The following NECTIN3 variants were observed in gnomAD, a reference collection of about 807,000 sequenced individuals.
The protein encoded by NECTIN3 is nectin-3.
NECTIN3 carries 8 observed loss-of-function variants against 49.4 expected under a neutral mutation model. The observed-to-expected ratio is 0.16, with a 90% CI of 0.10 to 0.29. The LOEUF is 0.29. Among genes scored for constraint, NECTIN3 ranks in the 10% least tolerant of loss-of-function variants. The probability of loss-of-function intolerance (pLI) is 1.00; values close to 1 mark genes in which losing one functional copy is unlikely to be tolerated. For missense variants in NECTIN3, 581 were observed against 654.6 expected, an observed-to-expected ratio of 0.89 and a Z score of 1.23; for synonymous variants, 277 against 241.1, an observed-to-expected ratio of 1.15 and a Z score of -1.38.
intron 5 of NECTIN3, among the ~76,000 whole-genome samples, chr3:111,129,952 G>T (rs1010263361): frequency 6.9e-6 from 1 of 145,512 alleles, no homozygotes; most frequent in Non-Finnish European, 1.5e-5. Context: ...GCCCAGCAGA[G>T]AATTTTTTTT....
chr3:111,152,465 G>A (rs1478121560), intron 7 of NECTIN3, among the ~76,000 whole-genome samples: 1 of 151,682 alleles, frequency 6.6e-6, no homozygotes, highest in Non-Finnish European at 1.5e-5. Context: ...TTGTAATTTT[G>A]CAATCTTTTG....
At chr3:111,124,727 T>G (rs2034091129) in intron 4 of NECTIN3, among the ~76,000 whole-genome samples, 1 of 152,192 alleles carries the variant, frequency 6.6e-6, no homozygotes, top group Non-Finnish European at 1.5e-5. Flanking sequence ...AAAACAAAAT[T>G]ATTCTATCTG....
chr3:111,080,772 C>CA (rs1559764371), intron 1 of NECTIN3, among the ~76,000 whole-genome samples: 1 of 151,572 alleles, frequency 6.6e-6, no homozygotes, highest in African/African-American at 2.4e-5. Flanking sequence ...AAGGATACCA[C>CA]GGTGGAATGA....
At chr3:111,103,758 C>T (rs550320602) in intron 1 of NECTIN3, among the ~76,000 whole-genome samples, 52 of 152,190 alleles carry the variant, frequency 3.4e-4, no homozygotes, top group Non-Finnish European at 6.6e-4. Context: ...AGTTTCTTGA[C>T]ATTAAGTATG....
At chr3:111,127,350 T>C in intron 5 of NECTIN3, among the ~76,000 whole-genome samples, 1 of 152,192 alleles carries the variant, frequency 6.6e-6, no homozygotes, top group South Asian at 2.1e-4. Flanking sequence ...AGTTGTATGC[T>C]CATTTCTTTG....
In NECTIN3 at chr3:111,149,459, ATGTGTGTGTGTGTGTGTGTGTGTG is replaced by A. The variant is rs56219611; in HGVS notation, c.1221+2001_1221+2024del. Among the ~76,000 whole-genome samples the A allele has an allele frequency of 3.9e-5, 5 of 128,402 alleles. No individual in the cohort carries two copies. In the South Asian group the frequency reaches 1.2e-3, roughly 30 times the overall value. 84.2% of individuals were successfully genotyped at this position (128,402 alleles called of 152,430 possible). ...CCAGATAAGCCTCTATTCTGGTAGG[ATGTGTGTGTGTGTGTGTGTGTGTG>A]TGTGTGTGTGTGTGTGTGTGTGTGT... On this transcript the variant is annotated intron_variant, in intron 7 of 8. Transcript: ENST00000493615.
chr3:111,161,625 T>A lies in NECTIN3; in HGVS notation c.1221+14141T>A, dbSNP rs556992691. 2.0e-5 allele frequency among the ~76,000 whole-genome samples: 3 copies of A among 152,258 alleles called. 1 individual carries two copies. Among genetic ancestry groups the A allele is most frequent in the Non-Finnish European group, 4.4e-5 (3 of 68,018 alleles). On this transcript the variant is annotated intron_variant, in intron 7 of 8. Transcript: ENST00000493615. ...TCTCATAGGAGCACAAACTCTGCTG[T>A]GAACTGCGCATGCAAGGGATCTAGG...
At chr3:111,181,372 A>G (rs1270127732) in intron 7 of NECTIN3, among the ~76,000 whole-genome samples, 1 of 152,098 alleles carries the variant, frequency 6.6e-6, no homozygotes, top group Admixed American at 6.6e-5. Context: ...TCTGTTGAGG[A>G]CCATTTTGGT....
At chr3:111,124,715 G>T (rs55952708) in intron 4 of NECTIN3, among the ~76,000 whole-genome samples, 1 of 151,986 alleles carries the variant, frequency 6.6e-6, no homozygotes, top group Non-Finnish European at 1.5e-5. Context: ...ACTTGAGATC[G>T]CAAAACAAAA....
At chr3:111,108,223 ATTT>A (rs10576910) in intron 1 of NECTIN3, among the ~76,000 whole-genome samples, 43 of 136,410 alleles carry the variant, frequency 3.2e-4, no homozygotes, top group African/African-American at 9.2e-4. Flanking sequence ...CCACTTCTAA[ATTT>A]TTTTTTTTTT....
upstream of NECTIN3, among the ~76,000 whole-genome samples, chr3:111,189,314 A>G (rs1224850110): frequency 6.6e-6 from 1 of 152,190 alleles, no homozygotes; most frequent in African/African-American, 2.4e-5. Context: ...ATGCTGGTAA[A>G]AGAGGTAGTG....
At chr3:111,164,190 T>TTA (rs2035273707) in intron 7 of NECTIN3, among the ~76,000 whole-genome samples, 2 of 152,190 alleles carry the variant, frequency 1.3e-5, no homozygotes, top group East Asian at 1.9e-4. Context: ...TTGTAAATCT[T>TTA]TACCTTGTAT....
In NECTIN3 at chr3:111,118,706, G is replaced by A. The variant is rs762744542; in HGVS notation, c.553G>A (p.Gly185Arg). The A allele has an allele frequency of 1.9e-6, 3 of 1,613,456 alleles. No individual in the cohort carries two copies. The highest frequency in any genetic ancestry group is 2.5e-6 in the Non-Finnish European group (3 of 1,179,630). The change falls in exon 3 of 6, where the codon GGA becomes AGA. Residue 185 changes from glycine to arginine, a missense_variant. Gly to Arg is a moderately radical substitution (Grantham distance 125). Coordinates refer to ENST00000485303, the MANE Select transcript of NECTIN3 (RefSeq NM_015480.3). ...AGGGCCAGATTCTTTAATTGATGGA[G>A]GAAATGAAACAGTAGCAGCCATTTG... ...IKGPDSLIDG[G>R]NETVAAICIA...
At chr3:111,112,560 A>G (rs1452882793) in intron 2 of NECTIN3, among the ~76,000 whole-genome samples, 189 bp downstream of exon 2, 21 of 152,156 alleles carry the variant, frequency 1.4e-4, no homozygotes, top group Non-Finnish European at 8.8e-5. Context: ...TCTTGTCTAT[A>G]TATACCTACT....
At chr3:111,182,444 G>A (rs929681214) in intron 7 of NECTIN3, among the ~76,000 whole-genome samples, 1 of 151,986 alleles carries the variant, frequency 6.6e-6, no homozygotes, top group African/African-American at 2.4e-5. Flanking sequence ...TACTACATTT[G>A]TGAATATATC....
At chr3:111,152,297 G>A (rs1454928294) in intron 7 of NECTIN3, among the ~76,000 whole-genome samples, 1 of 151,560 alleles carries the variant, frequency 6.6e-6, no homozygotes, top group Non-Finnish European at 1.5e-5. Context: ...TTATAGTTTT[G>A]ATAGATATTG....
chr3:111,176,465 G>T (rs924607154), intron 7 of NECTIN3, among the ~76,000 whole-genome samples: 3 of 152,042 alleles, frequency 2.0e-5, no homozygotes, highest in African/African-American at 4.8e-5. Context: ...GTGTCTTTGT[G>T]GGGGGAAATG....
chr3:111,137,982 A>G (rs935697406), downstream of NECTIN3, among the ~76,000 whole-genome samples: 4 of 151,540 alleles, frequency 2.6e-5, no homozygotes, highest in African/African-American at 9.7e-5. Flanking sequence ...CTCCATAGTT[A>G]TAAATTATCT....
At chr3:111,098,729 A>G (rs1300428411) in intron 1 of NECTIN3, among the ~76,000 whole-genome samples, 3 of 152,046 alleles carry the variant, frequency 2.0e-5, no homozygotes, top group East Asian at 3.9e-4. Flanking sequence ...TTCCAGTACA[A>G]TATGTGAACT....
Sources: allele counts gnomAD v4.1 joint callset (sites outside exome capture counted in the v4.1 genomes callset), GRCh38; gene constraint gnomAD v4.1.1; transcripts MANE v1.5; gene names NCBI Gene and HGNC (gene_info 2026-07-23, HGNC 2026-07-21).